The following FIGN variants were observed in gnomAD, a reference collection of about 807,000 sequenced individuals.
The protein encoded by FIGN is fidgetin.
In FIGN, 11 loss-of-function variants were observed where a neutral mutation model predicts 51.3. The observed-to-expected ratio is 0.21, with a 90% confidence interval of 0.13 to 0.35. The LOEUF is 0.35. FIGN is among the 10% of genes least tolerant of loss of function. The pLI is 1.00. For synonymous variants in FIGN, 407 were observed against 363.2 expected, an observed-to-expected ratio of 1.12 and a Z score of -1.37; for missense variants, 857 against 943.6, an observed-to-expected ratio of 0.91 and a Z score of 1.20.
chr2:163,729,109 T>C (rs1446820066), intron 2 of FIGN, among the ~76,000 whole-genome samples: 2 of 152,310 alleles, frequency 1.3e-5, no homozygotes, highest in African/African-American at 4.8e-5. Flanking sequence ...TTTACTCTCA[T>C]AAATAGTTGA....
intron 2 of FIGN, among the ~76,000 whole-genome samples, chr2:163,619,451 G>A (rs1682932606): frequency 6.6e-6 from 1 of 152,080 alleles, no homozygotes; most frequent in Non-Finnish European, 1.5e-5. Flanking sequence ...AACTAAACTT[G>A]TAGGTAGCTT....
In FIGN at chr2:163,734,557, C is replaced by CAAAAAAAAAAAAAAAAAAA. The variant is rs34286375; in HGVS notation, c.25+327_25+345dup. On this transcript the variant is annotated intron_variant, in intron 2 of 2. Transcript: ENST00000333129. ...TCCCCTTTGCCCAGCCTCCCTCCTT[C>CAAAAAAAAAAAAAAAAAAA]AAAAAAAAAAAAAAAAAAAACCCAC... Among the ~76,000 whole-genome samples, 2 of 102,866 alleles carry CAAAAAAAAAAAAAAAAAAA rather than the reference C, an allele frequency of 1.9e-5. 1 individual carries two copies. 67.5% of individuals were successfully genotyped at this position (102,866 alleles called of 152,430 possible). A position where few individuals can be genotyped will look rare whatever the true frequency, so the allele number is the denominator to read the frequency against.
intron 2 of FIGN, among the ~76,000 whole-genome samples, chr2:163,645,106 CACTT>C (rs1683361887): frequency 6.6e-6 from 1 of 151,952 alleles, no homozygotes; most frequent in Non-Finnish European, 1.5e-5. Context: ...TTCAATAAAA[CACTT>C]AAAGAAAAAA....
chr2:163,734,348 C>A (rs1244692149), intron 2 of FIGN, among the ~76,000 whole-genome samples: 5 of 150,998 alleles, frequency 3.3e-5, no homozygotes, highest in African/African-American at 1.2e-4. Flanking sequence ...CCCGCCCCCC[C>A]CAAAAAAAAA....
intron 2 of FIGN, among the ~76,000 whole-genome samples, chr2:163,674,372 A>G (rs900551694): frequency 2.0e-5 from 3 of 152,192 alleles, no homozygotes; most frequent in African/African-American, 7.2e-5. Context: ...CTATTTCATG[A>G]CTTCGTCACT....
intron 2 of FIGN, among the ~76,000 whole-genome samples, chr2:163,636,715 AG>A (rs1683231341): frequency 6.6e-6 from 1 of 152,220 alleles, no homozygotes; most frequent in African/African-American, 2.4e-5. Flanking sequence ...ACATAACACT[AG>A]GGATGTATGT....
At chr2:163,642,827 A>C (rs546441665) in intron 2 of FIGN, among the ~76,000 whole-genome samples, 2 of 152,222 alleles carry the variant, frequency 1.3e-5, no homozygotes, top group Non-Finnish European at 2.9e-5. Context: ...ATAAATCTTA[A>C]AAAATTCAGT....
At chr2:163,679,648 A>G (rs1684028473) in intron 2 of FIGN, among the ~76,000 whole-genome samples, 1 of 152,128 alleles carries the variant, frequency 6.6e-6, no homozygotes. Context: ...TTTCCTTGTT[A>G]TTGAGTGTTT....
At chr2:163,689,187 C>CACACACACACACACAT (rs1220822790) in intron 2 of FIGN, among the ~76,000 whole-genome samples, 4 of 151,742 alleles carry the variant, frequency 2.6e-5, no homozygotes, top group Non-Finnish European at 5.9e-5. Flanking sequence ...CACACACACA[C>CACACACACACACACAT]ACACACACAG....
Position 163,610,633 on chromosome 2 carries a change from G to T in FIGN, c.1199C>A (p.Thr400Asn), listed in dbSNP as rs1242122298. 1.2e-6 allele frequency: 2 copies of T among 1,614,200 alleles called. No homozygotes were observed. The highest frequency in any genetic ancestry group is 2.2e-5 in the South Asian group (2 of 91,088). ...TTTAGCAGTACTGTAGGAAGGAGGG[G>T]TCAGAGCCCTACTGGACTGGCTGCT... ...KFSSQSSRAL[T>N]PPSYSTAKNS... Residue 400 changes from threonine (T) to asparagine (N), a missense_variant, in exon 3 of 3, where the codon ACC (threonine) becomes AAC (asparagine). Coordinates refer to ENST00000333129, the MANE Select transcript of FIGN (RefSeq NM_018086.4).
intron 2 of FIGN, among the ~76,000 whole-genome samples, chr2:163,657,657 T>A (rs1398944940): frequency 6.6e-6 from 1 of 152,142 alleles, no homozygotes; most frequent in Non-Finnish European, 1.5e-5. Context: ...AGCAACGAGT[T>A]CTTCCACTTG....
chr2:163,693,388 C>T (rs80007817), intron 2 of FIGN, among the ~76,000 whole-genome samples: 1,574 of 152,272 alleles, frequency 0.01, 25 homozygotes, highest in African/African-American at 0.036. Context: ...AGGACAGAGA[C>T]TGGGTCCCAT....
chr2:163,629,952 C>CTTTTTTTTTT (rs71297448), intron 2 of FIGN, among the ~76,000 whole-genome samples: 7 of 56,936 alleles, frequency 1.2e-4, no homozygotes, highest in African/African-American at 5.2e-4. Context: ...GAAAGGGGCA[C>CTTTTTTTTTT]TTTTTTTTTT....
intron 2 of FIGN, among the ~76,000 whole-genome samples, chr2:163,634,876 C>T (rs921121366): frequency 5.3e-5 from 8 of 152,170 alleles, no homozygotes; most frequent in Non-Finnish European, 8.8e-5. Flanking sequence ...GTCTCTTTCA[C>T]TACTAGGCTG....
intron 2 of FIGN, among the ~76,000 whole-genome samples, chr2:163,691,870 C>T (rs1684245454): frequency 6.6e-6 from 1 of 152,140 alleles, no homozygotes; most frequent in Non-Finnish European, 1.5e-5. Context: ...ACAAAATGTT[C>T]TGTCCAAAGA....
chr2:163,689,292 T>G (rs997563564), intron 2 of FIGN, among the ~76,000 whole-genome samples: 7 of 152,038 alleles, frequency 4.6e-5, no homozygotes, highest in Non-Finnish European at 1.0e-4. Flanking sequence ...GACACAGAGC[T>G]CTATACTGCA....
At chr2:163,643,300 G>A (rs2105317488) in intron 2 of FIGN, among the ~76,000 whole-genome samples, 1 of 152,270 alleles carries the variant, frequency 6.6e-6, no homozygotes, top group South Asian at 2.1e-4. Flanking sequence ...TCAACAAATG[G>A]TGATAGGACA....
intron 2 of FIGN, among the ~76,000 whole-genome samples, chr2:163,670,177 C>G (rs13419652): frequency 3.9e-5 from 6 of 152,024 alleles, no homozygotes; most frequent in Non-Finnish European, 8.8e-5. Context: ...AAATGTGATC[C>G]TTTTTAAATT....
At chr2:163,693,372 A>C (rs956624961) in intron 2 of FIGN, among the ~76,000 whole-genome samples, 2 of 152,176 alleles carry the variant, frequency 1.3e-5, no homozygotes, top group African/African-American at 4.8e-5. Flanking sequence ...GATTAAGACA[A>C]GAAAAAGGAC....
Sources: gnomAD v4.1 joint callset for allele counts (sites outside exome capture counted in the v4.1 genomes callset) on GRCh38, gnomAD v4.1.1 for gene constraint, MANE v1.5 for transcripts, NCBI Gene and HGNC (gene_info 2026-07-23, HGNC 2026-07-21) for gene names.